Variants in TMEM65 observed in about 807,000 individuals in gnomAD.
TMEM65 encodes transmembrane protein 65.
Under a neutral mutation model 25.4 loss-of-function variants are expected in TMEM65, and 22 were observed. The ratio of observed to expected loss-of-function variants is 0.86; its 90% CI spans 0.62 to 1.23. TMEM65 has a LOEUF of 1.23. Ranked by LOEUF, TMEM65 falls within the 50% of genes most tolerant of loss-of-function variation. TMEM65 has a pLI of 0.00. For synonymous variants in TMEM65, 132 were observed against 126.2 expected, an observed-to-expected ratio of 1.05 and a Z score of -0.31; for missense variants, 262 against 308.2, an observed-to-expected ratio of 0.85 and a Z score of 1.12.
chr8:124,329,594 T>C (rs1814407447), intron 2 of TMEM65, among the ~76,000 whole-genome samples: 1 of 152,142 alleles, frequency 6.6e-6, no homozygotes, highest in East Asian at 1.9e-4. Context: ...CTATACGATG[T>C]ATGTTTTTAG....
At chr8:124,350,477 T>TCACACA (rs59193124) in intron 1 of TMEM65, among the ~76,000 whole-genome samples, 12 of 146,886 alleles carry the variant, frequency 8.2e-5, no homozygotes, top group African/African-American at 3.1e-4. Context: ...TCTCTCTCTC[T>TCACACA]CACACACACA....
At chr8:124,354,935 C>T (rs568097865) in intron 1 of TMEM65, among the ~76,000 whole-genome samples, 11 of 152,154 alleles carry the variant, frequency 7.2e-5, no homozygotes, top group African/African-American at 2.4e-4. Flanking sequence ...ATACTTGAAA[C>T]TCTTCTGTAA....
intron 3 of TMEM65, among the ~76,000 whole-genome samples, chr8:124,325,273 G>C (rs1015613806): frequency 6.6e-6 from 1 of 151,798 alleles, no homozygotes. Context: ...CAATGAGAGG[G>C]GTTGATCAGT....
At chr8:124,367,125 T>A (rs930242492) in intron 1 of TMEM65, among the ~76,000 whole-genome samples, 1 of 152,232 alleles carries the variant, frequency 6.6e-6, no homozygotes, top group Non-Finnish European at 1.5e-5. Context: ...GCCCTTTTTC[T>A]TATTGGACAA....
At chr8:124,322,789 C>G (rs1008658290) in intron 4 of TMEM65, among the ~76,000 whole-genome samples, 4 of 151,794 alleles carry the variant, frequency 2.6e-5, no homozygotes, top group Non-Finnish European at 5.9e-5. Flanking sequence ...CGAGGTCAGG[C>G]ATTCAAGACC....
chr8:124,347,607 T>G (rs534837727), intron 1 of TMEM65, among the ~76,000 whole-genome samples: 5 of 152,234 alleles, frequency 3.3e-5, no homozygotes, highest in African/African-American at 9.6e-5. Flanking sequence ...AATAAATAAG[T>G]AAATAAAAGA....
chr8:124,342,801 G>A (rs756879233), intron 1 of TMEM65, among the ~76,000 whole-genome samples: 3 of 152,020 alleles, frequency 2.0e-5, no homozygotes, highest in Admixed American at 6.6e-5. Flanking sequence ...GTTTGGTTTG[G>A]CAAACCCATA....
chr8:124,363,786 G>A (rs1814902238), intron 1 of TMEM65, among the ~76,000 whole-genome samples: 1 of 128,626 alleles, frequency 7.8e-6, no homozygotes, highest in Admixed American at 9.3e-5. Context: ...GCAGTGAGCC[G>A]AGATCCCGCC....
chr8:124,335,217 T>C (rs1428844583), intron 1 of TMEM65, among the ~76,000 whole-genome samples: 2 of 152,170 alleles, frequency 1.3e-5, no homozygotes, highest in Non-Finnish European at 2.9e-5. Flanking sequence ...AACTTCAGTA[T>C]GCAGAAAGAA....
At chr8:124,333,886 T>C (rs1445735474) in intron 1 of TMEM65, among the ~76,000 whole-genome samples, 2 of 152,098 alleles carry the variant, frequency 1.3e-5, no homozygotes, top group Non-Finnish European at 1.5e-5. Context: ...AACCAGAGGA[T>C]GAGGTGCCAG....
intron 6 of TMEM65, among the ~76,000 whole-genome samples, chr8:124,318,135 C>T (rs1814259708): frequency 6.6e-6 from 1 of 151,978 alleles, no homozygotes; most frequent in Non-Finnish European, 1.5e-5. Flanking sequence ...GAGAGTGCAA[C>T]AGCAAGCCAG....
At position 124,365,990 on chromosome 8, in the gene TMEM65, G is replaced by A. The variant is rs192865517; in HGVS notation, c.304+5864C>T. On this transcript the variant is annotated intron_variant, in intron 1 of 6. Transcript: ENST00000297632. ...AATCTCAGCACTTTGGGAGGCCGAG[G>A]CAGGAGGATTGCTTGAGGTCAGGAG... Among the ~76,000 whole-genome samples, 20 of 152,318 alleles carry A rather than the reference G, an allele frequency of 1.3e-4. No homozygotes were observed. In the East Asian group the frequency reaches 3.5e-3, roughly 26 times the overall value.
At chr8:124,363,969 AT>A (rs1271316429) in intron 1 of TMEM65, among the ~76,000 whole-genome samples, 1 of 151,002 alleles carries the variant, frequency 6.6e-6, no homozygotes, top group Non-Finnish European at 1.5e-5. Context: ...AATGTAAAGG[AT>A]TTTGTTGTGC....
intron 4 of TMEM65, among the ~76,000 whole-genome samples, chr8:124,322,994 C>CTAAATAAATAAA (rs199541134): frequency 4.9e-4 from 73 of 149,822 alleles, no homozygotes; most frequent in African/African-American, 1.7e-3. Flanking sequence ...GACCCCGTCT[C>CTAAATAAATAAA]TAAATAAATA....
chr8:124,317,265 C>T (rs1230148515), intron 6 of TMEM65, among the ~76,000 whole-genome samples: 1 of 151,986 alleles, frequency 6.6e-6, no homozygotes, highest in African/African-American at 2.4e-5. Flanking sequence ...GTTAGTGTTT[C>T]AATTCATTGT....
chr8:124,323,109 T>C (rs1814325909), intron 4 of TMEM65, among the ~76,000 whole-genome samples: 1 of 152,130 alleles, frequency 6.6e-6, no homozygotes, highest in African/African-American at 2.4e-5. Flanking sequence ...AGCAGAGTAT[T>C]GTTATCCAAT....
chr8:124,314,096 T>C, intron 6 of TMEM65, 35 bp from the exon 7 acceptor site: 1 of 1,547,250 alleles, frequency 6.5e-7, no homozygotes, highest in East Asian at 2.3e-5. Context: ...TTAAAGTTAC[T>C]TTATCTCTGA....
chr8:124,330,104 C>T (rs908946427), intron 2 of TMEM65, among the ~76,000 whole-genome samples: 15 of 151,960 alleles, frequency 9.9e-5, no homozygotes, highest in Admixed American at 3.9e-4. Context: ...TATAACTTGC[C>T]AGTTGTTAGC....
At chr8:124,351,431 T>G (rs1451476916) in intron 1 of TMEM65, among the ~76,000 whole-genome samples, 1 of 152,194 alleles carries the variant, frequency 6.6e-6, no homozygotes, top group Non-Finnish European at 1.5e-5. Context: ...AATGTTTATT[T>G]AGTATACTTT....
Sources: allele counts gnomAD v4.1 joint callset (sites outside exome capture counted in the v4.1 genomes callset), GRCh38; gene constraint gnomAD v4.1.1; transcripts MANE v1.5; gene names NCBI Gene and HGNC (gene_info 2026-07-23, HGNC 2026-07-21).